The following ARHGAP28 variants were observed in gnomAD, a reference collection of about 807,000 sequenced individuals.
ARHGAP28 encodes Rho GTPase activating protein 28.
Under a neutral mutation model 90.7 loss-of-function variants are expected in ARHGAP28, and 56 were observed. The ratio of observed to expected loss-of-function variants is 0.62; its 90% CI spans 0.50 to 0.77. ARHGAP28 has a LOEUF of 0.77. Ranked by LOEUF, ARHGAP28 falls within the 30% of genes least tolerant of loss-of-function variation. The pLI, the probability that ARHGAP28 is intolerant of heterozygous loss-of-function variation, is 0.00. For missense variants in ARHGAP28, 869 were observed against 900.9 expected, an observed-to-expected ratio of 0.96 and a Z score of 0.45; for synonymous variants, 308 against 323.3, an observed-to-expected ratio of 0.95 and a Z score of 0.51.
At chr18:6,772,985 C>T (rs1358657716) in intron 1 of ARHGAP28, among the ~76,000 whole-genome samples, 1 of 152,204 alleles carries the variant, frequency 6.6e-6, no homozygotes, top group East Asian at 1.9e-4. Flanking sequence ...AGGTGATCCA[C>T]CCGCCTCAGC....
chr18:6,888,179 A>G (rs749453617), intron 12 of ARHGAP28, among the ~76,000 whole-genome samples: 9 of 152,220 alleles, frequency 5.9e-5, no homozygotes, highest in Admixed American at 1.3e-4. Context: ...ATCATATTCT[A>G]TAGTTTCATC....
Position 6,824,867 on chromosome 18 carries a change from C to A in ARHGAP28, c.228C>A (p.Ala76=). ...ACTCAGAAGCCTCCGTAGACAGCGCCTCCATGGAGGATTTCTGGCGGGAAA... is the reference window on the plus strand; with the variant it reads ...ACTCAGAAGCCTCCGTAGACAGCGCATCCATGGAGGATTTCTGGCGGGAAA... ...RSNSEASVDS[A]SMEDFWREIE... The change falls in exon 2 of 18, where the codon GCC becomes GCA. Residue 76 remains alanine (A), a synonymous_variant. Coordinates refer to ENST00000383472, the MANE Select transcript of ARHGAP28 (RefSeq NM_001366230.1). The A allele has an allele frequency of 6.5e-7, 1 of 1,536,338 alleles. No individual in the cohort carries two copies. The highest frequency in any genetic ancestry group is 8.7e-7 in the Non-Finnish European group (1 of 1,146,956).
intron 11 of ARHGAP28, among the ~76,000 whole-genome samples, chr18:6,884,880 T>C (rs1411164139): frequency 6.6e-6 from 1 of 152,222 alleles, no homozygotes; most frequent in Admixed American, 6.5e-5. Context: ...TATGAATATA[T>C]TAATTTTCAT....
chr18:6,853,707 T>G (rs2056928823), intron 4 of ARHGAP28, among the ~76,000 whole-genome samples: 1 of 152,144 alleles, frequency 6.6e-6, no homozygotes, highest in Non-Finnish European at 1.5e-5. Context: ...ACTCCTGACC[T>G]TAGGTGATCC....
In ARHGAP28 at chr18:6,729,796, C is replaced by G. The variant is rs984042539; in HGVS notation, c.-26C>G. On this transcript the variant is annotated 5_prime_UTR_variant, in exon 1 of 18. Transcript: ENST00000383472. Reference sequence around the variant, plus strand: ...CTGGTCCCGGTCTTTGTTCTGGGGCCGGCGCCGAGACATGCGCGGCTGACG... The same window carrying G: ...CTGGTCCCGGTCTTTGTTCTGGGGCGGGCGCCGAGACATGCGCGGCTGACG... 2.0e-5 allele frequency: 28 copies of G among 1,384,190 alleles called. No homozygotes were observed. Among genetic ancestry groups the G allele is most frequent in the African/African-American group, 7.5e-5 (5 of 66,384 alleles). The allele number at this position is 1,384,190 out of a possible 1,614,324, so 85.7% of individuals were successfully genotyped here.
At chr18:6,825,962 G>C (rs1368751141) in intron 2 of ARHGAP28, among the ~76,000 whole-genome samples, 2 of 152,120 alleles carry the variant, frequency 1.3e-5, no homozygotes, top group African/African-American at 4.8e-5. Flanking sequence ...TTTGCTTTGG[G>C]TTTATACCCA....
chr18:6,849,980 C>A (rs1481959669), intron 3 of ARHGAP28, among the ~76,000 whole-genome samples: 4 of 152,086 alleles, frequency 2.6e-5, no homozygotes, highest in African/African-American at 9.7e-5. Context: ...ACTCACATAT[C>A]TTAAATTGTC....
intron 1 of ARHGAP28, among the ~76,000 whole-genome samples, chr18:6,774,650 T>C (rs2056269388): frequency 2.0e-5 from 3 of 152,234 alleles, no homozygotes; most frequent in Admixed American, 2.0e-4. Flanking sequence ...TAGAAAAATC[T>C]ACTGAGGTAG....
Position 6,914,956 on chromosome 18 carries a change from C to T in ARHGAP28, c.*2802C>T, listed in dbSNP as rs2057415679. The T allele has an allele frequency of 6.6e-6, 1 of 152,516 alleles. No individual in the cohort carries two copies. The allele number at this position is 152,516 out of a possible 1,614,324, so 9.4% of individuals were successfully genotyped here. On this transcript the variant is annotated 3_prime_UTR_variant, in exon 18 of 18. Coordinates refer to ENST00000383472, the MANE Select transcript of ARHGAP28 (RefSeq NM_001366230.1). Reference sequence around the variant, plus strand: ...TACAACGTCTATACAGTATAAACTACCTCACTTGCCTTTCTTGGGAAAAAA... The same window carrying T: ...TACAACGTCTATACAGTATAAACTATCTCACTTGCCTTTCTTGGGAAAAAA...
chr18:6,864,958 G>C, intron 5 of ARHGAP28, among the ~76,000 whole-genome samples: 1 of 152,106 alleles, frequency 6.6e-6, no homozygotes, highest in East Asian at 1.9e-4. Flanking sequence ...AAAGTACAGC[G>C]ATTTCCCATA....
intron 3 of ARHGAP28, among the ~76,000 whole-genome samples, chr18:6,839,532 C>T (rs1265652863): frequency 1.3e-5 from 2 of 152,228 alleles, no homozygotes; most frequent in East Asian, 1.9e-4. Flanking sequence ...TTCCTGACCT[C>T]GTGATCCGCC....
At chr18:6,898,663 C>A in intron 16 of ARHGAP28, 1 of 1,483,886 alleles carries the variant, frequency 6.7e-7, no homozygotes, top group Non-Finnish European at 8.9e-7. Context: ...TGACTTTGTA[C>A]TCTCAAGTAG....
chr18:6,909,180 A>C (rs780322745), intron 17 of ARHGAP28, among the ~76,000 whole-genome samples, 156 bp downstream of exon 17: 1 of 152,156 alleles, frequency 6.6e-6, no homozygotes, highest in Non-Finnish European at 1.5e-5. Context: ...GAACAGTTGC[A>C]CAGCTTTTCT....
intron 4 of ARHGAP28, among the ~76,000 whole-genome samples, chr18:6,857,133 G>C (rs72883098): frequency 0.046 from 6,938 of 152,210 alleles, 360 homozygotes; most frequent in East Asian, 0.28. Context: ...TTCAGATTGT[G>C]AGCAAACACA....
intron 1 of ARHGAP28, among the ~76,000 whole-genome samples, chr18:6,769,505 A>C (rs1038063250): frequency 2.6e-5 from 4 of 152,200 alleles, no homozygotes; most frequent in Non-Finnish European, 4.4e-5. Context: ...AACTCTGTTA[A>C]GGGATTTGCA....
At chr18:6,844,701 C>T (rs2056853269) in intron 3 of ARHGAP28, among the ~76,000 whole-genome samples, 1 of 151,866 alleles carries the variant, frequency 6.6e-6, no homozygotes, top group African/African-American at 2.4e-5. Context: ...ATTATCAATT[C>T]CCTGTAGAAA....
chr18:6,813,529 G>A (rs1426662898), intron 1 of ARHGAP28, among the ~76,000 whole-genome samples: 1 of 151,702 alleles, frequency 6.6e-6, no homozygotes, highest in East Asian at 1.9e-4. Flanking sequence ...TTTTGGCTGG[G>A]GATATATTTC....
At chr18:6,881,321 T>G (rs773845126) in intron 10 of ARHGAP28, among the ~76,000 whole-genome samples, 1 of 152,206 alleles carries the variant, frequency 6.6e-6, no homozygotes, top group Non-Finnish European at 1.5e-5. Flanking sequence ...TCTAAGTATC[T>G]TTTCTGGAGC....
intron 3 of ARHGAP28, among the ~76,000 whole-genome samples, chr18:6,839,776 A>G (rs1367158332): frequency 6.6e-6 from 1 of 152,134 alleles, no homozygotes; most frequent in Non-Finnish European, 1.5e-5. Context: ...AAAAAGGAAA[A>G]CTTTGTTTCC....
Sources: allele counts gnomAD v4.1 joint callset (sites outside exome capture counted in the v4.1 genomes callset), GRCh38; gene constraint gnomAD v4.1.1; transcripts MANE v1.5; gene names NCBI Gene and HGNC (gene_info 2026-07-23, HGNC 2026-07-21).